The following FCN1 variants were observed in gnomAD, a reference collection of about 807,000 sequenced individuals.
The protein encoded by FCN1 is ficolin-1.
FCN1 carries 42 observed loss-of-function variants against 35.6 expected under a neutral mutation model. That is an observed-to-expected ratio of 1.18 (90% confidence interval 0.92 to 1.53). The LOEUF (loss-of-function observed/expected upper bound fraction) is 1.53, where lower values mean the gene tolerates loss of function less well. Among genes scored for constraint, FCN1 ranks in the 40% most tolerant of loss-of-function variants. FCN1 has a pLI of 0.00. For synonymous variants in FCN1, 179 were observed against 169.8 expected, an observed-to-expected ratio of 1.05 and a Z score of -0.42; for missense variants, 439 against 428.4, an observed-to-expected ratio of 1.02 and a Z score of -0.22.
Position 134,907,875 on chromosome 9 carries a change from T to C in FCN1, c.*1923A>G, listed in dbSNP as rs142390126. On this transcript the variant is annotated 3_prime_UTR_variant, in exon 9 of 9. Transcript: ENST00000371806. The stretch of plus-strand genomic sequence containing the variant: ...GATGGGTATGTCGGCTGATTCCAGT[T>C]TGGTGCTATGGTGAGTATTTGGCTG... The C allele has an allele frequency of 2.3e-3, 344 of 152,330 alleles. 1 individual carries two copies. The highest frequency in any genetic ancestry group is 7.8e-3 in the African/African-American group (325 of 41,570). 9.4% of individuals were successfully genotyped at this position (152,330 alleles called of 1,614,324 possible). A position where few individuals can be genotyped will look rare whatever the true frequency, so the allele number is the denominator to read the frequency against.
rs755572830 is a variant in FCN1, at chr9:134,903,873, TAACTC to T, written c.*5920_*5924del. ...CTGGCTATTCTATAACTGAAATTAA[TAACTC>T]AATCAATGGTTTTCTATTTATAAGC... On this transcript the variant is annotated 3_prime_UTR_variant, in exon 9 of 9. Transcript: ENST00000371806. 2.1e-4 allele frequency among the ~76,000 whole-genome samples: 32 copies of T among 152,314 alleles called. No homozygotes were observed. The highest frequency in any genetic ancestry group is 3.5e-4 in the Non-Finnish European group (24 of 68,028).
intron 1 of FCN1, among the ~76,000 whole-genome samples, chr9:134,917,520 A>C (rs1345892161): frequency 1.3e-5 from 2 of 152,158 alleles, no homozygotes; most frequent in Non-Finnish European, 2.9e-5. Context: ...CCCACCTATG[A>C]AGCTCCAATG....
chr9:134,916,570 T>A, intron 1 of FCN1, 109 bp from the exon 2 acceptor site: 1 of 1,145,056 alleles, frequency 8.7e-7, no homozygotes, highest in Non-Finnish European at 1.3e-6. Context: ...CAGGCACTGG[T>A]GAGGCGGAGA....
At position 134,909,306 on chromosome 9, in the gene FCN1, T is replaced by C; in HGVS notation, c.*492A>G. 7.8e-7 allele frequency: 1 copy of C among 1,289,022 alleles called. No homozygotes were observed. The highest frequency in any genetic ancestry group is 1.2e-5 in the South Asian group (1 of 80,984). The allele number at this position is 1,289,022 out of a possible 1,614,324, so 79.8% of individuals were successfully genotyped here. ...AGTAAGTGTTTTCTGGACCCCAAAG[T>C]GACCTTTTTCAAGAAGTGTGAAGTG... On this transcript the variant is annotated 3_prime_UTR_variant, in exon 9 of 9. Coordinates refer to ENST00000371806, the MANE Select transcript of FCN1 (RefSeq NM_002003.5).
rs200663920 is a variant in FCN1 at position 134,913,115 on chromosome 9, G to C, written c.369C>G (p.Asp123Glu). Residue 123 changes from aspartate (D) to glutamate (E), a missense_variant, in exon 6 of 9, where the codon GAC becomes GAG. Physicochemically the swap from Asp to Glu is conservative, Grantham distance 45. Coordinates refer to ENST00000371806, the MANE Select transcript of FCN1 (RefSeq NM_002003.5). ...GCCAGCCGCTCAGGAAATACCCCCG[G>C]TCTAGCAGGTCCTTGCAGTTGCGTG... ...TGPRNCKDLL[D>E]RGYFLSGWHT... 1.2e-5 allele frequency: 20 copies of C among 1,613,940 alleles called. No homozygotes were observed. The South Asian group carries it at 1.8e-4, about 14-fold the overall frequency.
rs188398033 is a variant in FCN1 at position 134,910,558 on chromosome 9, T to C, written c.734-513A>G. Among the ~76,000 whole-genome samples, 513 of 152,250 alleles carry C rather than the reference T, an allele frequency of 3.4e-3. 1 individual carries two copies. The highest frequency in any genetic ancestry group is 0.012 in the African/African-American group (485 of 41,552). ...ACCTTCCCTGCCCTGCTGCCTTCCT[T>C]GGAGGTCATGCGTGAGATCGTGCCT... On this transcript the variant is annotated intron_variant, in intron 8 of 8. Transcript: ENST00000371806.
chr9:134,906,743 G>GA lies in FCN1; in HGVS notation c.*3054dup, dbSNP rs1830961089. The stretch of plus-strand genomic sequence containing the variant: ...AATTATTTAAACATTACAAGACTGT[G>GA]AAAAATCAAACCTGTCCAGATTCCT... On this transcript the variant is annotated 3_prime_UTR_variant, in exon 9 of 9. Transcript: ENST00000371806. 1.3e-5 allele frequency: 2 copies of GA among 152,098 alleles called. No individual in the cohort carries two copies. Among genetic ancestry groups the GA allele is most frequent in the Admixed American group, 1.3e-4 (2 of 15,260 alleles). 9.4% of individuals were successfully genotyped at this position (152,098 alleles called of 1,614,324 possible). A position where few individuals can be genotyped will look rare whatever the true frequency, so the allele number is the denominator to read the frequency against.
chr9:134,914,669 C>G (rs1175591565), intron 3 of FCN1, 87 bp downstream of exon 3: 12 of 981,584 alleles, frequency 1.2e-5, no homozygotes, highest in Middle Eastern at 2.4e-4. Context: ...GTCTGTGTCT[C>G]TGTCTCTGTC....
Position 134,916,346 on chromosome 9 carries a change from A to T in FCN1, c.217+2T>A. The T allele has an allele frequency of 1.2e-6, 2 of 1,610,870 alleles. No homozygotes were observed. Among genetic ancestry groups the T allele is most frequent in the Middle Eastern group, 3.3e-4 (2 of 6,044 alleles). ...TGGCCTCCCCACCCGGCCCGCACCT[A>T]CCTCTCTCTCCAATGACACCTGCCT... On this transcript the variant is annotated splice_donor_variant, in intron 2 of 8. Transcript: ENST00000371806. LOFTEE classifies it high-confidence loss of function.
Position 134,906,615 on chromosome 9 carries a change from C to T in FCN1, c.*3183G>A, listed in dbSNP as rs959435728. 6.6e-6 allele frequency: 1 copy of T among 152,038 alleles called. No homozygotes were observed. Among genetic ancestry groups the T allele is most frequent in the South Asian group, 2.1e-4 (1 of 4,822 alleles). The allele number at this position is 152,038 out of a possible 1,614,324, so 9.4% of individuals were successfully genotyped here. On this transcript the variant is annotated 3_prime_UTR_variant, in exon 9 of 9. Transcript: ENST00000371806. Reference sequence around the variant, plus strand: ...CAAAGTCTCTTAAATATGCCAATACCGTGTATAAACGCACTAAGATTTCCA... The same window carrying T: ...CAAAGTCTCTTAAATATGCCAATACTGTGTATAAACGCACTAAGATTTCCA...
rs80114951 is a variant in FCN1, at chr9:134,908,654, G to C, written c.*1144C>G. On this transcript the variant is annotated 3_prime_UTR_variant, in exon 9 of 9. Coordinates refer to ENST00000371806, the MANE Select transcript of FCN1 (RefSeq NM_002003.5). ...GCTTTGGGGTTGGGGGAAGGAGTCC[G>C]GGCCAATGAATGCCAGTGACCCCTG... is the stretch of plus-strand genomic sequence containing the variant. 0.028 allele frequency: 4,335 copies of C among 154,684 alleles called. 167 individuals are homozygous for C. Among genetic ancestry groups the C allele is most frequent in the South Asian group, 0.11 (528 of 4,898 alleles). The allele number at this position is 154,684 out of a possible 1,614,324, so 9.6% of individuals were successfully genotyped here. A position where few individuals can be genotyped will look rare whatever the true frequency, so the allele number is the denominator to read the frequency against.
At position 134,909,402 on chromosome 9, in the gene FCN1, G is replaced by A. The variant is rs544112739; in HGVS notation, c.*396C>T. On this transcript the variant is annotated 3_prime_UTR_variant, in exon 9 of 9. Coordinates refer to ENST00000371806, the MANE Select transcript of FCN1 (RefSeq NM_002003.5). ...TGAGGATCGCCCTGTGTCAATTACT[G>A]GAGGTGGAAAATCCTCGCAAAAGTC... 2.0e-5 allele frequency: 26 copies of A among 1,290,292 alleles called. No individual in the cohort carries two copies. In the East Asian group the frequency reaches 1.4e-3, roughly 68 times the overall value. The allele number at this position is 1,290,292 out of a possible 1,614,324, so 79.9% of individuals were successfully genotyped here. A position where few individuals can be genotyped will look rare whatever the true frequency, so the allele number is the denominator to read the frequency against.
rs767470439 is a variant in FCN1 at position 134,910,380 on chromosome 9, C to T, written c.734-335G>A. ...CGCCGCTCCTTCCGGTCTCTCCCCA[C>T]GTCCCCTGGTGGCCCTTGGTAGGTT... On this transcript the variant is annotated intron_variant, in intron 8 of 8. Transcript: ENST00000371806. Among the ~76,000 whole-genome samples, 8 of 152,146 alleles carry T rather than the reference C, an allele frequency of 5.3e-5. No individual in the cohort carries two copies. In the East Asian group the frequency reaches 5.8e-4, roughly 11 times the overall value.
chr9:134,913,089 T>G lies in FCN1; in HGVS notation c.395A>C (p.His132Pro). ...LDRGYFLSGWHTIYLPDCRPL... is the reference protein window; with the variant it reads ...LDRGYFLSGWPTIYLPDCRPL... ...CCGGCAGTCGGGCAGGTAGATGGTG[T>G]GCCAGCCGCTCAGGAAATACCCCCG... is the stretch of plus-strand genomic sequence containing the variant. Residue 132 changes from histidine to proline, a missense_variant, in exon 6 of 9, where the codon CAC becomes CCC. His to Pro is a moderately conservative substitution (Grantham distance 77, BLOSUM62 -2). Transcript: ENST00000371806. 9 of 1,613,700 alleles carry G rather than the reference T, an allele frequency of 5.6e-6. No homozygotes were observed. Among genetic ancestry groups the G allele is most frequent in the Non-Finnish European group, 7.6e-6 (9 of 1,179,898 alleles).
Position 134,909,841 on chromosome 9 carries a change from T to C in FCN1, c.938A>G (p.Lys313Arg), listed in dbSNP as rs1178782285. 3 of 1,613,974 alleles carry C rather than the reference T, an allele frequency of 1.9e-6. No individual in the cohort carries two copies. In the African/African-American group the frequency reaches 4.0e-5, roughly 22 times the overall value. Residue 313 changes from lysine (K) to arginine (R), a missense_variant, in exon 9 of 9, where the codon AAA (lysine) becomes AGA (arginine). Transcript: ENST00000371806. Reference sequence around the variant, plus strand: ...CATCTCTGACACCTTGTAGCTATATTTGTACCCCTTCGCCGCACTCCAGTT... The same window carrying C: ...CATCTCTGACACCTTGTAGCTATATCTGTACCCCTTCGCCGCACTCCAGTT... ...GINWSAAKGY[K>R]YSYKVSEMKV... is the part of the protein sequence containing the mutation.
chr9:134,910,569 C>T (rs1479185870), intron 8 of FCN1, among the ~76,000 whole-genome samples: 4 of 152,176 alleles, frequency 2.6e-5, no homozygotes, highest in East Asian at 1.9e-4. Flanking sequence ...GGAGGTCATG[C>T]GTGAGATCGT....
chr9:134,906,806 C>T lies in FCN1; in HGVS notation c.*2992G>A, dbSNP rs1292434692. On this transcript the variant is annotated 3_prime_UTR_variant, in exon 9 of 9. Coordinates refer to ENST00000371806, the MANE Select transcript of FCN1 (RefSeq NM_002003.5). ...CATATTTTGGCCAGGCACAGTGTCT[C>T]ACGCCTGTAATCTCAGCAATTTGGG... 1.3e-5 allele frequency: 2 copies of T among 152,204 alleles called. No homozygotes were observed. The highest frequency in any genetic ancestry group is 2.4e-5 in the African/African-American group (1 of 41,442). 9.4% of individuals were successfully genotyped at this position (152,204 alleles called of 1,614,324 possible). A position where few individuals can be genotyped will look rare whatever the true frequency, so the allele number is the denominator to read the frequency against.
Position 134,909,237 on chromosome 9 carries a change from G to A in FCN1, c.*561C>T, listed in dbSNP as rs1034120173. The A allele has an allele frequency of 6.7e-5, 86 of 1,289,666 alleles. 1 individual carries two copies. In the Admixed American group the frequency reaches 1.4e-3, roughly 21 times the overall value. The allele number at this position is 1,289,666 out of a possible 1,614,324, so 79.9% of individuals were successfully genotyped here. Reference sequence around the variant, plus strand: ...GCCAGCCCAAAGCATGAACTCTGCCGTGGTGGGAAGCAGAAAAGTTCCTAC... The same window carrying A: ...GCCAGCCCAAAGCATGAACTCTGCCATGGTGGGAAGCAGAAAAGTTCCTAC... On this transcript the variant is annotated 3_prime_UTR_variant, in exon 9 of 9. Coordinates refer to ENST00000371806, the MANE Select transcript of FCN1 (RefSeq NM_002003.5).
At position 134,909,802 on chromosome 9, in the gene FCN1, G is replaced by A; in HGVS notation, c.977C>T (p.Ala326Val). Residue 326 changes from alanine (A) to valine (V), a missense_variant, in exon 9 of 9, where the codon GCC becomes GTC. By Grantham distance (64) the Ala-to-Val change is moderately conservative (BLOSUM62 0). Coordinates refer to ENST00000371806, the MANE Select transcript of FCN1 (RefSeq NM_002003.5). ...YKVSEMKVRP[A>V] ...TGTGGAGGGGTCCTGGCCCGTCTAG[G>A]CGGGCCGCACCTTCATCTCTGACAC... 1.2e-6 allele frequency: 2 copies of A among 1,613,140 alleles called. No individual in the cohort carries two copies. The highest frequency in any genetic ancestry group is 2.2e-5 in the East Asian group (1 of 44,854).
Sources: gnomAD v4.1 joint callset for allele counts (sites outside exome capture counted in the v4.1 genomes callset) on GRCh38, gnomAD v4.1.1 for gene constraint, MANE v1.5 for transcripts, NCBI Gene and HGNC (gene_info 2026-07-23, HGNC 2026-07-21) for gene names.